ATP10D: variants seen among roughly 807,000 people sequenced by gnomAD.
ATP10D encodes the protein phospholipid-transporting ATPase VD.
A neutral mutation model predicts 144.8 loss-of-function variants in ATP10D; 89 were observed. The observed-to-expected ratio is 0.61, with a 90% CI of 0.52 to 0.73. The LOEUF (loss-of-function observed/expected upper bound fraction) is 0.73, where lower values mean the gene tolerates loss of function less well. Ranked by LOEUF, ATP10D falls within the 30% of genes least tolerant of loss-of-function variation. The pLI is 0.00. For synonymous variants in ATP10D, 571 were observed against 615.1 expected, an observed-to-expected ratio of 0.93 and a Z score of 1.06; for missense variants, 1,603 against 1,714.8, an observed-to-expected ratio of 0.93 and a Z score of 1.15.
At chr4:47,589,622 CT>C (rs1434725383) in intron 22 of ATP10D, among the ~76,000 whole-genome samples, 8 of 152,082 alleles carry the variant, frequency 5.3e-5, no homozygotes, top group African/African-American at 1.7e-4. Context: ...CAGTGTGTTT[CT>C]TTCTTTCCAA....
rs77318409 is a variant in ATP10D at position 47,535,804 on chromosome 4, T to C, written c.884-98T>C. ...ACTGACAAAATAGATCATGTAACTG[T>C]GTTTTATTAAATTGTCTGCAAGAGA... On this transcript the variant is annotated intron_variant, in intron 6 of 22. Coordinates refer to ENST00000273859, the MANE Select transcript of ATP10D (RefSeq NM_020453.4). 3.5e-3 allele frequency: 4,967 copies of C among 1,402,052 alleles called. 180 individuals are homozygous for C. In the African/African-American group the frequency reaches 0.067, roughly 19 times the overall value. The allele number at this position is 1,402,052 out of a possible 1,614,324, so 86.9% of individuals were successfully genotyped here. A position where few individuals can be genotyped will look rare whatever the true frequency, so the allele number is the denominator to read the frequency against.
In ATP10D at chr4:47,576,899, GT is replaced by G. The variant is rs776567699; in HGVS notation, c.3497del (p.Leu1166TrpfsTer67). Reference sequence around the variant, plus strand: ...ATCTGCCCCTCCTGTCATTTATGGTGTTTTGGAGAAAGATGTGTCTGCAGAG... The same window carrying G: ...ATCTGCCCCTCCTGTCATTTATGGTGTTTGGAGAAAGATGTGTCTGCAGAG... ...FTSAPPVIYGVLEKDVSAETL... is the reference protein window; with the variant it reads ...FTSAPPVIYGXLEKDVSAETL... On this transcript the variant is annotated frameshift_variant, in exon 19 of 23. Coordinates refer to ENST00000273859, the MANE Select transcript of ATP10D (RefSeq NM_020453.4). LOFTEE classifies it high-confidence loss of function. 2 of 1,614,166 alleles carry G rather than the reference GT, an allele frequency of 1.2e-6. No individual in the cohort carries two copies. Among genetic ancestry groups the G allele is most frequent in the East Asian group, 2.2e-5 (1 of 44,874 alleles).
chr4:47,524,738 C>G (rs1419539138), intron 4 of ATP10D, among the ~76,000 whole-genome samples: 2 of 152,118 alleles, frequency 1.3e-5, no homozygotes, highest in African/African-American at 2.4e-5. Context: ...ATTTTAGTAC[C>G]TACCTCATGG....
intron 12 of ATP10D, 61 bp from the exon 13 acceptor site, chr4:47,558,862 A>C (rs1719130513): frequency 7.4e-7 from 1 of 1,357,194 alleles, no homozygotes; most frequent in East Asian, 2.3e-5. Context: ...TATTGTTTTA[A>C]AAAGTATTTC....
intron 21 of ATP10D, among the ~76,000 whole-genome samples, chr4:47,584,246 C>A (rs1720671595): frequency 6.6e-6 from 1 of 152,160 alleles, no homozygotes; most frequent in African/African-American, 2.4e-5. Context: ...ATCTCATTGC[C>A]ACCTCCCACT....
At chr4:47,487,499 TTGTC>T (rs1484739830) in intron 1 of ATP10D, among the ~76,000 whole-genome samples, 21 of 152,324 alleles carry the variant, frequency 1.4e-4, no homozygotes, top group Non-Finnish European at 2.5e-4. Context: ...ACAAGTAAGA[TTGTC>T]TGAGAATTCT....
At chr4:47,585,387 T>C (rs1232313548) in intron 21 of ATP10D, among the ~76,000 whole-genome samples, 7 of 152,154 alleles carry the variant, frequency 4.6e-5, no homozygotes, top group Non-Finnish European at 8.8e-5. Flanking sequence ...TAGGTGTATA[T>C]ATTTATTATG....
intron 5 of ATP10D, among the ~76,000 whole-genome samples, chr4:47,530,184 T>A (rs79224937): frequency 6.6e-6 from 1 of 152,180 alleles, no homozygotes; most frequent in Non-Finnish European, 1.5e-5. Context: ...AAGTACTATG[T>A]TGAACAAAAG....
chr4:47,512,391 C>A (rs899548309), intron 1 of ATP10D, 113 bp from the exon 2 acceptor site: 4 of 659,488 alleles, frequency 6.1e-6, no homozygotes, highest in Non-Finnish European at 1.0e-5. Context: ...TTCTCCCTTA[C>A]ATGTTGAACC....
intron 22 of ATP10D, among the ~76,000 whole-genome samples, chr4:47,588,341 A>G (rs1720880303): frequency 6.6e-6 from 1 of 152,204 alleles, no homozygotes; most frequent in Admixed American, 6.5e-5. Flanking sequence ...TTTAAACATA[A>G]ATGAGACTCA....
chr4:47,537,665 A>G (rs1717922398), intron 9 of ATP10D, among the ~76,000 whole-genome samples: 1 of 152,108 alleles, frequency 6.6e-6, no homozygotes, highest in Admixed American at 6.6e-5. Context: ...TATTTTTGTA[A>G]ATTGTTTATT....
At chr4:47,567,690 T>A (rs548401589) in intron 15 of ATP10D, among the ~76,000 whole-genome samples, 1 of 152,360 alleles carries the variant, frequency 6.6e-6, no homozygotes, top group South Asian at 2.1e-4. Flanking sequence ...CATCTTTGTA[T>A]ACTTTGCCTT....
intron 18 of ATP10D, among the ~76,000 whole-genome samples, chr4:47,576,305 G>A (rs1298478032): frequency 6.6e-6 from 1 of 152,154 alleles, no homozygotes; most frequent in Non-Finnish European, 1.5e-5. Context: ...TGGGGATAGT[G>A]CTCTGTGCTC....
intron 3 of ATP10D, among the ~76,000 whole-genome samples, chr4:47,517,056 T>C (rs1577635762): frequency 6.6e-6 from 1 of 152,228 alleles, no homozygotes; most frequent in Admixed American, 6.5e-5. Flanking sequence ...ACCCAGTGAA[T>C]GTCAAATTTA....
At chr4:47,580,129 C>T (rs948807438) in intron 19 of ATP10D, among the ~76,000 whole-genome samples, 2 of 152,192 alleles carry the variant, frequency 1.3e-5, no homozygotes, top group Non-Finnish European at 2.9e-5. Flanking sequence ...GAAGTTAGTA[C>T]TACCGGCTGT....
intron 1 of ATP10D, among the ~76,000 whole-genome samples, chr4:47,498,902 T>C (rs530730263): frequency 1.3e-5 from 2 of 152,356 alleles, no homozygotes; most frequent in East Asian, 1.9e-4. Flanking sequence ...ACACAACTTA[T>C]CACATGAAGC....
At chr4:47,502,504 G>A (rs28647985) in intron 1 of ATP10D, among the ~76,000 whole-genome samples, 14,956 of 150,414 alleles carry the variant, frequency 0.099, 969 homozygotes, top group South Asian at 0.21. Context: ...TATTGAAGAA[G>A]AGAAGCATTA....
chr4:47,538,066 T>G (rs566012105), intron 9 of ATP10D, among the ~76,000 whole-genome samples: 31 of 152,278 alleles, frequency 2.0e-4, no homozygotes, highest in African/African-American at 7.2e-4. Context: ...AAATAATGCT[T>G]CTTTTTCACA....
Position 47,563,575 on chromosome 4 carries a change from T to G in ATP10D, c.2669-6T>G. ...CAAGTCCTATTGCACTTTGGTTATT[T>G]TTTAGGTGCTACTGGCATTGAAGAC... On this transcript the variant is annotated splice_region_variant and splice_polypyrimidine_tract_variant and intron_variant, in intron 14 of 22. Transcript: ENST00000273859. 1 of 1,595,368 alleles carries G rather than the reference T, an allele frequency of 6.3e-7. No homozygotes were observed.
Sources: allele counts gnomAD v4.1 joint callset (sites outside exome capture counted in the v4.1 genomes callset), GRCh38; gene constraint gnomAD v4.1.1; transcripts MANE v1.5; gene names NCBI Gene and HGNC (gene_info 2026-07-23, HGNC 2026-07-21).